RPA1: variants seen among roughly 807,000 people sequenced by gnomAD.
RPA1 encodes the protein replication protein A1.
A neutral mutation model predicts 83.0 loss-of-function variants in RPA1; 49 were observed. The observed-to-expected ratio is 0.59, with a 90% CI of 0.47 to 0.75. The LOEUF is 0.75. Ranked by LOEUF, RPA1 falls within the 30% of genes least tolerant of loss-of-function variation. The pLI, the probability that RPA1 is intolerant of heterozygous loss-of-function variation, is 0.00. For missense variants in RPA1, 693 were observed against 776.1 expected (o/e 0.89, Z 1.27); for synonymous variants, 279 against 281.8 (o/e 0.99, Z 0.10).
chr17:1,879,170 G>C (rs772410443), intron 9 of RPA1, 45 bp from the exon 10 acceptor site: 2 of 1,609,064 alleles, frequency 1.2e-6, no homozygotes, highest in Non-Finnish European at 1.7e-6. Context: ...GTTTCTGTCC[G>C]ATTTGATGGT....
intron 7 of RPA1, 146 bp downstream of exon 7, chr17:1,875,939 T>C (rs889669144): frequency 1.3e-6 from 1 of 777,834 alleles, no homozygotes. Context: ...TTTTTTTTTT[T>C]TGCTGAGGAG....
chr17:1,883,330 A>G (rs1913869070), intron 12 of RPA1, among the ~76,000 whole-genome samples: 1 of 151,894 alleles, frequency 6.6e-6, no homozygotes, highest in Non-Finnish European at 1.5e-5. Context: ...CGCCCGGCTA[A>G]TTTTGTATTT....
chr17:1,853,660 G>A (rs1912582633), intron 5 of RPA1, among the ~76,000 whole-genome samples: 1 of 152,140 alleles, frequency 6.6e-6, no homozygotes. Context: ...TCCAGCCTGG[G>A]CAACAGAGTG....
At chr17:1,865,807 A>G (rs1025074840) in intron 5 of RPA1, among the ~76,000 whole-genome samples, 1 of 152,170 alleles carries the variant, frequency 6.6e-6, no homozygotes, top group African/African-American at 2.4e-5. Flanking sequence ...CTTATTTATT[A>G]TTATTTTAAT....
intron 4 of RPA1, among the ~76,000 whole-genome samples, chr17:1,850,033 G>A (rs893791264): frequency 3.3e-5 from 5 of 150,594 alleles, no homozygotes; most frequent in African/African-American, 9.8e-5. Flanking sequence ...TTAGCCAGGC[G>A]TGGTGGCACA....
chr17:1,840,675 C>G (rs1431150017), intron 1 of RPA1, among the ~76,000 whole-genome samples: 1 of 152,228 alleles, frequency 6.6e-6, no homozygotes, highest in Non-Finnish European at 1.5e-5. Context: ...CTCCGAAATG[C>G]TGGGATTATA....
chr17:1,891,762 C>A (rs190170702), intron 14 of RPA1, 71 bp from the exon 15 acceptor site: 6 of 1,009,294 alleles, frequency 5.9e-6, no homozygotes, highest in Admixed American at 2.1e-5. Context: ...AGAACATTAA[C>A]CTCTCCCCAT....
At position 1,835,181 on chromosome 17, in the gene RPA1, CT is replaced by C. The variant is rs202230859; in HGVS notation, c.33+5058del. On this transcript the variant is annotated intron_variant, in intron 1 of 16. Coordinates refer to ENST00000254719, the MANE Select transcript of RPA1 (RefSeq NM_002945.5). ...TTTTTTTAAATGACAGAGTCTTGTT[CT>C]TTGTCTCTCAGGCTGGAGTGCAGTG... 6.8e-3 allele frequency among the ~76,000 whole-genome samples: 1,034 copies of C among 152,084 alleles called. 12 individuals are homozygous for C. The highest frequency in any genetic ancestry group is 0.023 in the African/African-American group (959 of 41,468).
intron 5 of RPA1, among the ~76,000 whole-genome samples, chr17:1,866,839 C>T (rs868271427): frequency 1.2e-4 from 18 of 152,162 alleles, no homozygotes; most frequent in African/African-American, 1.9e-4. Flanking sequence ...TATGGTGTTT[C>T]GGGCTTCATT....
chr17:1,881,784 T>A (rs538740669), intron 12 of RPA1, among the ~76,000 whole-genome samples: 1 of 152,140 alleles, frequency 6.6e-6, no homozygotes, highest in Non-Finnish European at 1.5e-5. Context: ...TAACTTGGCA[T>A]TGATCAAAGA....
intron 3 of RPA1, among the ~76,000 whole-genome samples, chr17:1,844,332 G>T (rs1597422542): frequency 6.6e-6 from 1 of 152,298 alleles, no homozygotes; most frequent in East Asian, 1.9e-4. Flanking sequence ...GTTGGAAGCT[G>T]TAAAGGGGAG....
chr17:1,877,566 G>A (rs1913619486), intron 8 of RPA1, among the ~76,000 whole-genome samples: 1 of 152,214 alleles, frequency 6.6e-6, no homozygotes, highest in Admixed American at 6.5e-5. Context: ...CTGGAGTAGA[G>A]GGTTAAGGTC....
chr17:1,895,165 A>T, intron 16 of RPA1, 70 bp downstream of exon 16: 1 of 1,267,282 alleles, frequency 7.9e-7, no homozygotes, highest in Non-Finnish European at 1.1e-6. Context: ...CAGTGTCGTG[A>T]CACTCCCTGG....
In RPA1 at chr17:1,879,291, C is replaced by G. The variant is rs775818557; in HGVS notation, c.836C>G (p.Thr279Ser). Residue 279 changes from threonine to serine, a missense_variant, in exon 10 of 17, where the codon ACC becomes AGC. Thr to Ser is a moderately conservative substitution (Grantham distance 58). Coordinates refer to ENST00000254719, the MANE Select transcript of RPA1 (RefSeq NM_002945.5). ...GCTGTTAAAAATGACTACGAGATGACCTTCAATAACGAGACTTCCGTCATG... is the reference window on the plus strand; with the variant it reads ...GCTGTTAAAAATGACTACGAGATGAGCTTCAATAACGAGACTTCCGTCATG... ...FTAVKNDYEMTFNNETSVMPC... is the reference protein window; with the variant it reads ...FTAVKNDYEMSFNNETSVMPC... 3.7e-6 allele frequency: 6 copies of G among 1,614,178 alleles called. No individual in the cohort carries two copies. The highest frequency in any genetic ancestry group is 3.3e-4 in the Middle Eastern group (2 of 6,062).
intron 6 of RPA1, among the ~76,000 whole-genome samples, chr17:1,875,179 T>C (rs761920283): frequency 3.3e-5 from 5 of 152,218 alleles, no homozygotes; most frequent in Non-Finnish European, 5.9e-5. Flanking sequence ...TTCAGACGCA[T>C]TGAGATCTGG....
At chr17:1,835,946 G>C (rs1400966421) in intron 1 of RPA1, among the ~76,000 whole-genome samples, 1 of 151,950 alleles carries the variant, frequency 6.6e-6, no homozygotes, top group African/African-American at 2.4e-5. Flanking sequence ...GGGCAACATA[G>C]CAAGATCCTG....
chr17:1,851,257 G>T (rs972026094), intron 4 of RPA1, among the ~76,000 whole-genome samples: 1 of 134,190 alleles, frequency 7.5e-6, no homozygotes, highest in Admixed American at 8.0e-5. Context: ...GTATATGTGC[G>T]TGTGTATGTG....
intron 7 of RPA1, among the ~76,000 whole-genome samples, chr17:1,876,442 C>T (rs1162770379): frequency 2.0e-5 from 3 of 152,140 alleles, no homozygotes; most frequent in African/African-American, 7.2e-5. Flanking sequence ...GTAATCCCCG[C>T]TACTCAGGAG....
intron 1 of RPA1, among the ~76,000 whole-genome samples, chr17:1,834,195 G>A (rs775463377): frequency 6.6e-6 from 1 of 152,002 alleles, no homozygotes; most frequent in Non-Finnish European, 1.5e-5. Context: ...AATAAAGAAT[G>A]ATCATGGAGA....
Sources: allele counts gnomAD v4.1 joint callset (sites outside exome capture counted in the v4.1 genomes callset), GRCh38; gene constraint gnomAD v4.1.1; transcripts MANE v1.5; gene names NCBI Gene and HGNC (gene_info 2026-07-23, HGNC 2026-07-21).